The following RBFOX2 variants were observed in gnomAD, a reference collection of about 807,000 sequenced individuals.
RBFOX2 encodes RNA binding fox-1 homolog 2, also known as RNA binding protein fox-1 homolog 2.
A neutral mutation model predicts 49.1 loss-of-function variants in RBFOX2; 10 were observed. The observed-to-expected ratio is 0.20, with a 90% CI of 0.13 to 0.35. RBFOX2 has a LOEUF of 0.35. RBFOX2 is among the 10% of genes least tolerant of loss of function. The probability of loss-of-function intolerance (pLI) is 1.00; values close to 1 mark genes in which losing one functional copy is unlikely to be tolerated. For synonymous variants in RBFOX2, 183 were observed against 187.4 expected, an observed-to-expected ratio of 0.98 and a Z score of 0.19; for missense variants, 323 against 486.9, an observed-to-expected ratio of 0.66 and a Z score of 3.17.
chr22:35,740,477 A>G (rs896441294), exon 12 of RBFOX2: 1 of 152,548 alleles, frequency 6.6e-6, no homozygotes, highest in African/African-American at 2.4e-5. Flanking sequence ...TCCTATCTTA[A>G]AACAGTGCAA....
chr22:36,020,699 C>T (rs2059210998), intron 1 of RBFOX2, among the ~76,000 whole-genome samples: 1 of 152,124 alleles, frequency 6.6e-6, no homozygotes, highest in Non-Finnish European at 1.5e-5. Context: ...CAATGAGATA[C>T]CATCTCACAA....
At chr22:36,018,234 G>C (rs893790923) in intron 1 of RBFOX2, among the ~76,000 whole-genome samples, 1 of 152,182 alleles carries the variant, frequency 6.6e-6, no homozygotes, top group Admixed American at 6.5e-5. Context: ...AATCTAAAAA[G>C]TCCTTTAACA....
intron 2 of RBFOX2, among the ~76,000 whole-genome samples, chr22:35,794,231 T>A (rs1244288376): frequency 6.6e-6 from 1 of 152,058 alleles, no homozygotes; most frequent in Non-Finnish European, 1.5e-5. Flanking sequence ...AAATCACCAT[T>A]TGCATGGAGA....
At chr22:35,771,102 T>A (rs1307999200) in intron 4 of RBFOX2, among the ~76,000 whole-genome samples, 1 of 152,166 alleles carries the variant, frequency 6.6e-6, no homozygotes, top group African/African-American at 2.4e-5. Flanking sequence ...CTTCCCAAAG[T>A]TGTCCACATC....
chr22:35,743,435 C>G (rs1426158491), exon 12 of RBFOX2: 1 of 152,202 alleles, frequency 6.6e-6, no homozygotes, highest in African/African-American at 2.4e-5. Flanking sequence ...TGATCTTTTT[C>G]ATACTCCAGA....
intron 1 of RBFOX2, among the ~76,000 whole-genome samples, chr22:35,904,792 AACT>A (rs1167657860): frequency 6.6e-6 from 1 of 152,210 alleles, no homozygotes; most frequent in Non-Finnish European, 1.5e-5. Context: ...TAGAGTCTAG[AACT>A]ACGTCGTCTA....
At chr22:35,929,134 T>C (rs772059342) in intron 1 of RBFOX2, among the ~76,000 whole-genome samples, 1 of 151,826 alleles carries the variant, frequency 6.6e-6, no homozygotes, top group Non-Finnish European at 1.5e-5. Flanking sequence ...ATTATTATTT[T>C]ATTTTATTTA....
intron 1 of RBFOX2, among the ~76,000 whole-genome samples, chr22:35,886,975 C>T (rs932281189): frequency 2.6e-5 from 4 of 152,138 alleles, no homozygotes; most frequent in Non-Finnish European, 4.4e-5. Context: ...CCTCCCTCTC[C>T]GTCTTGTCAA....
At chr22:35,851,625 G>C (rs944461563) in intron 1 of RBFOX2, among the ~76,000 whole-genome samples, 1 of 151,924 alleles carries the variant, frequency 6.6e-6, no homozygotes, top group African/African-American at 2.4e-5. Context: ...TCAGGAGTTC[G>C]AGACCAGCCT....
intron 1 of RBFOX2, among the ~76,000 whole-genome samples, chr22:35,848,485 T>C (rs1223904569): frequency 1.3e-5 from 2 of 152,210 alleles, no homozygotes; most frequent in East Asian, 3.8e-4. Flanking sequence ...GATTGCAATA[T>C]TGATAGCTTT....
chr22:36,028,207 G>GC, intron 1 of RBFOX2, 33 bp downstream of exon 1: 1 of 1,451,248 alleles, frequency 6.9e-7, no homozygotes, highest in South Asian at 1.4e-5. Context: ...GCCCACCCCC[G>GC]CAATAACTGG....
chr22:35,783,783 G>A (rs1945764360), intron 2 of RBFOX2, among the ~76,000 whole-genome samples: 2 of 152,170 alleles, frequency 1.3e-5, no homozygotes, highest in African/African-American at 4.8e-5. Flanking sequence ...AGGAAGCCTG[G>A]AACTTTCAAG....
chr22:35,988,860 G>A (rs1468549515), intron 1 of RBFOX2, among the ~76,000 whole-genome samples: 4 of 152,218 alleles, frequency 2.6e-5, no homozygotes, highest in Non-Finnish European at 4.4e-5. Flanking sequence ...TGGTGGCACT[G>A]GTTGCTGAGT....
At chr22:35,875,829 CAAAG>C (rs1469249813) in intron 1 of RBFOX2, among the ~76,000 whole-genome samples, 1 of 151,920 alleles carries the variant, frequency 6.6e-6, no homozygotes, top group Non-Finnish European at 1.5e-5. Flanking sequence ...ATTGGGAAAA[CAAAG>C]AAAACATTTT....
chr22:35,972,591 A>C (rs920155547), intron 1 of RBFOX2, among the ~76,000 whole-genome samples: 3 of 152,188 alleles, frequency 2.0e-5, no homozygotes, highest in Non-Finnish European at 2.9e-5. Flanking sequence ...AATATGGGGC[A>C]AGGCAGATTC....
At chr22:35,798,495 C>T (rs1216641115) in intron 2 of RBFOX2, among the ~76,000 whole-genome samples, 4 of 152,160 alleles carry the variant, frequency 2.6e-5, no homozygotes, top group Admixed American at 2.0e-4. Flanking sequence ...TGATCTTGGA[C>T]AAGTAATCTT....
At chr22:35,842,568 T>TA, upstream of RBFOX2, among the ~76,000 whole-genome samples, 1 of 152,136 alleles carries the variant, frequency 6.6e-6, no homozygotes, top group South Asian at 2.1e-4. Flanking sequence ...ATGGGATAAC[T>TA]GTGTTTTCAG....
chr22:35,846,271 T>C (rs985312853), intron 1 of RBFOX2, among the ~76,000 whole-genome samples: 1 of 149,332 alleles, frequency 6.7e-6, no homozygotes, highest in East Asian at 1.9e-4. Context: ...ACTATATAAG[T>C]TAATATAATT....
intron 1 of RBFOX2, among the ~76,000 whole-genome samples, chr22:35,983,248 A>G (rs2150071405): frequency 6.6e-6 from 1 of 152,328 alleles, no homozygotes; most frequent in Admixed American, 6.5e-5. Flanking sequence ...TGCAACCAGG[A>G]GGCTTTTACC....
Sources: allele counts gnomAD v4.1 joint callset (sites outside exome capture counted in the v4.1 genomes callset), GRCh38; gene constraint gnomAD v4.1.1; transcripts MANE v1.5; gene names NCBI Gene and HGNC (gene_info 2026-07-23, HGNC 2026-07-21).